CTNNA2: variants seen among roughly 807,000 people sequenced by gnomAD.
CTNNA2 encodes the protein catenin alpha-2.
CTNNA2 carries 42 observed loss-of-function variants against 101.0 expected under a neutral mutation model. The ratio of observed to expected loss-of-function variants is 0.42; its 90% confidence interval spans 0.32 to 0.54. The LOEUF is 0.54. Ranked by LOEUF, CTNNA2 falls within the 20% of genes least tolerant of loss-of-function variation. The pLI is 0.14. For synonymous variants in CTNNA2, 450 were observed against 456.4 expected (o/e 0.99, Z 0.18); for missense variants, 871 against 1,223.1 (o/e 0.71, Z 4.29).
chr2:79,608,762 A>C (rs1385665634), intron 1 of CTNNA2, among the ~76,000 whole-genome samples: 1 of 152,092 alleles, frequency 6.6e-6, no homozygotes, highest in African/African-American at 2.4e-5. Flanking sequence ...TCAACCAATA[A>C]AGAACATCTA....
At chr2:80,001,226 C>T (rs1038128787) in intron 7 of CTNNA2, among the ~76,000 whole-genome samples, 1 of 152,146 alleles carries the variant, frequency 6.6e-6, no homozygotes, top group African/African-American at 2.4e-5. Context: ...ATTAGTTTTT[C>T]GTGCCCATAC....
chr2:79,225,678 T>A (rs187144564), intron 2 of CTNNA2, among the ~76,000 whole-genome samples: 182 of 152,162 alleles, frequency 1.2e-3, no homozygotes, highest in African/African-American at 4.0e-3. Context: ...GTTTGACAAA[T>A]GAGTAATATT....
At chr2:80,501,306 C>A (rs1687862179) in intron 9 of CTNNA2, among the ~76,000 whole-genome samples, 1 of 152,184 alleles carries the variant, frequency 6.6e-6, no homozygotes, top group African/African-American at 2.4e-5. Context: ...AAATATATCA[C>A]CGTAACTCTT....
At chr2:79,884,792 T>C (rs537859068) in intron 6 of CTNNA2, among the ~76,000 whole-genome samples, 1 of 151,688 alleles carries the variant, frequency 6.6e-6, no homozygotes, top group African/African-American at 2.4e-5. Context: ...TGTAATTCTC[T>C]TTCCGATCTG....
intron 1 of CTNNA2, among the ~76,000 whole-genome samples, chr2:79,626,055 T>G (rs1379058506): frequency 6.6e-6 from 1 of 152,120 alleles, no homozygotes; most frequent in Non-Finnish European, 1.5e-5. Flanking sequence ...TTTGACCATT[T>G]TCTACTTCAT....
intron 4 of CTNNA2, among the ~76,000 whole-genome samples, chr2:79,864,056 C>T (rs1404463883): frequency 6.6e-6 from 1 of 152,180 alleles, no homozygotes; most frequent in Non-Finnish European, 1.5e-5. Context: ...TATGCAACAC[C>T]CTCTACTGAC....
chr2:80,388,940 A>G (rs912784281), intron 7 of CTNNA2, among the ~76,000 whole-genome samples: 3 of 152,188 alleles, frequency 2.0e-5, no homozygotes, highest in Non-Finnish European at 4.4e-5. Context: ...AAAAGACTGA[A>G]CTGGAGATTC....
chr2:80,076,271 T>C (rs932760852), intron 7 of CTNNA2, among the ~76,000 whole-genome samples: 6 of 147,224 alleles, frequency 4.1e-5, no homozygotes, highest in African/African-American at 1.2e-4. Flanking sequence ...TTTTGCATCA[T>C]TTTTTCCTTT....
chr2:79,398,339 A>G (rs779298861), intron 4 of CTNNA2, among the ~76,000 whole-genome samples: 15 of 152,128 alleles, frequency 9.9e-5, no homozygotes, highest in Non-Finnish European at 1.8e-4. Context: ...ACCACCTACC[A>G]TATAAAGCAT....
At chr2:79,607,668 C>T (rs556985804) in intron 1 of CTNNA2, among the ~76,000 whole-genome samples, 1 of 152,126 alleles carries the variant, frequency 6.6e-6, no homozygotes, top group South Asian at 2.1e-4. Context: ...TTGTAAATAT[C>T]CGTGTGCCAA....
intron 3 of CTNNA2, among the ~76,000 whole-genome samples, chr2:79,805,649 A>G (rs1217060104): frequency 6.6e-6 from 1 of 152,120 alleles, no homozygotes; most frequent in East Asian, 1.9e-4. Flanking sequence ...TTAAGAGATG[A>G]TAAGTTGGCT....
chr2:80,546,506 A>C (rs1692076936), intron 11 of CTNNA2, among the ~76,000 whole-genome samples: 1 of 152,228 alleles, frequency 6.6e-6, no homozygotes, highest in Admixed American at 6.5e-5. Context: ...TTGTGATAAC[A>C]CAGGTAGAGA....
At chr2:80,437,608 T>C (rs767357847) in intron 9 of CTNNA2, among the ~76,000 whole-genome samples, 4 of 152,242 alleles carry the variant, frequency 2.6e-5, no homozygotes, top group Non-Finnish European at 4.4e-5. Flanking sequence ...TTGGCAGTTA[T>C]TGTTCTTTCT....
intron 1 of CTNNA2, among the ~76,000 whole-genome samples, chr2:79,638,300 A>AT (rs1267971597): frequency 2.0e-5 from 3 of 152,184 alleles, no homozygotes; most frequent in East Asian, 3.8e-4. Flanking sequence ...TACCTGAGGT[A>AT]TTTTTTGGCT....
intron 9 of CTNNA2, among the ~76,000 whole-genome samples, chr2:80,480,350 A>AT (rs1258324827): frequency 6.6e-6 from 1 of 152,036 alleles, no homozygotes; most frequent in Non-Finnish European, 1.5e-5. Context: ...GATGAATGGT[A>AT]TTTTTTTCAG....
intron 1 of CTNNA2, among the ~76,000 whole-genome samples, chr2:79,621,782 T>C (rs1679013429): frequency 6.6e-6 from 1 of 152,126 alleles, no homozygotes; most frequent in African/African-American, 2.4e-5. Flanking sequence ...GGTGATCAAA[T>C]TCAACACCAG....
At chr2:79,465,326 C>T (rs149549256) in intron 4 of CTNNA2, among the ~76,000 whole-genome samples, 319 of 152,256 alleles carry the variant, frequency 2.1e-3, no homozygotes, top group African/African-American at 6.1e-3. Context: ...GGGCTCTGTT[C>T]TGTTCCATTG....
chr2:79,395,465 C>G (rs1438732973), intron 4 of CTNNA2, among the ~76,000 whole-genome samples: 4 of 151,400 alleles, frequency 2.6e-5, no homozygotes, highest in African/African-American at 4.9e-5. Context: ...TTGTTCAATT[C>G]CCACCTATGA....
intron 3 of CTNNA2, among the ~76,000 whole-genome samples, chr2:79,768,804 A>G (rs1399474823): frequency 6.6e-6 from 1 of 152,080 alleles, no homozygotes; most frequent in Non-Finnish European, 1.5e-5. Context: ...CCGTGTAGCC[A>G]GTAAGAGTCC....
Sources: allele counts gnomAD v4.1 joint callset (sites outside exome capture counted in the v4.1 genomes callset), GRCh38; gene constraint gnomAD v4.1.1; transcripts MANE v1.5; gene names NCBI Gene and HGNC (gene_info 2026-07-23, HGNC 2026-07-21).